NEGR1: variants seen among roughly 807,000 people sequenced by gnomAD.
The protein encoded by NEGR1 is neuronal growth regulator 1.
NEGR1 carries 10 observed loss-of-function variants against 40.9 expected under a neutral mutation model. The observed-to-expected ratio is 0.24, with a 90% CI of 0.15 to 0.42. The LOEUF is 0.42. Ranked by LOEUF, NEGR1 falls within the 10% of genes least tolerant of loss-of-function variation. NEGR1 has a pLI of 1.00. For synonymous variants in NEGR1, 185 were observed against 166.8 expected (o/e 1.11, Z -0.84); for missense variants, 352 against 438.9 (o/e 0.80, Z 1.77).
At chr1:71,571,781 C>G (rs1424185806) in intron 6 of NEGR1, among the ~76,000 whole-genome samples, 2 of 98,388 alleles carry the variant, frequency 2.0e-5, no homozygotes, top group African/African-American at 8.3e-5. Flanking sequence ...GAGGGAGCCC[C>G]TGTCTCAAAA....
At chr1:71,617,529 A>G (rs1263520701) in intron 4 of NEGR1, among the ~76,000 whole-genome samples, 1 of 152,168 alleles carries the variant, frequency 6.6e-6, no homozygotes, top group African/African-American at 2.4e-5. Context: ...GGAAAACTGA[A>G]TTGGTTATTT....
chr1:71,961,940 C>T (rs998735056), intron 1 of NEGR1, among the ~76,000 whole-genome samples: 128 of 151,922 alleles, frequency 8.4e-4, no homozygotes, highest in African/African-American at 2.9e-3. Context: ...ATAAATCTGA[C>T]GTTAGTTTTT....
At chr1:72,073,812 T>A (rs1394586454) in intron 1 of NEGR1, among the ~76,000 whole-genome samples, 1 of 150,588 alleles carries the variant, frequency 6.6e-6, no homozygotes, top group Non-Finnish European at 1.5e-5. Flanking sequence ...CAAAAAAAAA[T>A]AAAAAACAAG....
chr1:71,495,210 G>A (rs1439380636), intron 6 of NEGR1, among the ~76,000 whole-genome samples: 2 of 152,134 alleles, frequency 1.3e-5, no homozygotes, highest in Non-Finnish European at 2.9e-5. Flanking sequence ...CAGAAGTGGT[G>A]GCTCACGCCT....
In NEGR1 at chr1:71,405,083, T is replaced by G. The variant is rs139791066; in HGVS notation, c.*2363A>C. The G allele has an allele frequency of 3.9e-5, 6 of 152,172 alleles. No homozygotes were observed. The highest frequency in any genetic ancestry group is 1.4e-4 in the African/African-American group (6 of 41,538). The allele number at this position is 152,172 out of a possible 1,614,324, so 9.4% of individuals were successfully genotyped here. Reference sequence around the variant, plus strand: ...TAAAAATGTCACTCAAGAAAGTCTCTTCTAACATAAAGGCAAATACATATA... The same window carrying G: ...TAAAAATGTCACTCAAGAAAGTCTCGTCTAACATAAAGGCAAATACATATA... On this transcript the variant is annotated 3_prime_UTR_variant, in exon 7 of 7. Coordinates refer to ENST00000357731, the MANE Select transcript of NEGR1 (RefSeq NM_173808.3).
chr1:71,718,319 C>G (rs1212691102), intron 3 of NEGR1, among the ~76,000 whole-genome samples: 1 of 152,050 alleles, frequency 6.6e-6, no homozygotes, highest in Non-Finnish European at 1.5e-5. Context: ...TCTCCCTGCC[C>G]CCACCACTCT....
chr1:71,911,373 C>T lies in NEGR1; in HGVS notation c.409+23706G>A, dbSNP rs78507740. Among the ~76,000 whole-genome samples the T allele has an allele frequency of 2.4e-3, 365 of 152,250 alleles. 2 individuals carry two copies. Among genetic ancestry groups the T allele is most frequent in the African/African-American group, 8.5e-3 (352 of 41,538 alleles). On this transcript the variant is annotated intron_variant, in intron 2 of 6. Transcript: ENST00000357731. ...GATGACATCCACTTAAAACCTGGCT[C>T]TATTATTACTATCTTTTTGATCTGC...
chr1:71,563,325 C>G (rs930383116), intron 6 of NEGR1, among the ~76,000 whole-genome samples: 1 of 151,876 alleles, frequency 6.6e-6, no homozygotes, highest in Non-Finnish European at 1.5e-5. Context: ...GTGCATGAAC[C>G]CAAGATAGGG....
At chr1:71,432,834 T>C (rs1466424908) in intron 6 of NEGR1, among the ~76,000 whole-genome samples, 2 of 152,246 alleles carry the variant, frequency 1.3e-5, no homozygotes, top group Non-Finnish European at 2.9e-5. Context: ...AGCAGATATA[T>C]AAGCTCCTGG....
At chr1:72,060,218 CCT>C (rs1647153706) in intron 1 of NEGR1, among the ~76,000 whole-genome samples, 1 of 151,376 alleles carries the variant, frequency 6.6e-6, no homozygotes, top group African/African-American at 2.4e-5. Context: ...GATTTTTTTC[CCT>C]CACACACAGA....
At chr1:71,769,715 C>T (rs1358267579) in intron 3 of NEGR1, among the ~76,000 whole-genome samples, 1 of 152,192 alleles carries the variant, frequency 6.6e-6, no homozygotes, top group Non-Finnish European at 1.5e-5. Flanking sequence ...GTCCATTAAA[C>T]CTCTTTCCTT....
intron 3 of NEGR1, among the ~76,000 whole-genome samples, chr1:71,755,709 C>G (rs1207825041): frequency 6.6e-6 from 1 of 152,184 alleles, no homozygotes; most frequent in Non-Finnish European, 1.5e-5. Flanking sequence ...AAAGACAACT[C>G]TGCAAAAATG....
chr1:71,901,917 C>A (rs983307323), intron 2 of NEGR1, among the ~76,000 whole-genome samples: 1 of 152,066 alleles, frequency 6.6e-6, no homozygotes. Context: ...GATCTGCCCA[C>A]CTCGACCTCC....
chr1:71,941,682 A>T (rs1343192385), intron 1 of NEGR1, among the ~76,000 whole-genome samples: 4 of 152,118 alleles, frequency 2.6e-5, no homozygotes, highest in African/African-American at 9.7e-5. Context: ...TGTTCTGGTG[A>T]TATCTAAGTG....
intron 1 of NEGR1, among the ~76,000 whole-genome samples, chr1:72,149,698 C>T (rs1049782626): frequency 2.6e-5 from 4 of 151,524 alleles, no homozygotes; most frequent in Admixed American, 6.6e-5. Flanking sequence ...GACTGACCAA[C>T]GTGGAGAAAC....
chr1:71,908,691 C>A (rs1425568126), intron 2 of NEGR1, among the ~76,000 whole-genome samples: 1 of 152,162 alleles, frequency 6.6e-6, no homozygotes, highest in Non-Finnish European at 1.5e-5. Context: ...TACCTGTAAA[C>A]TTAGACCATT....
intron 2 of NEGR1, among the ~76,000 whole-genome samples, chr1:71,862,978 G>A (rs948057680): frequency 6.6e-6 from 1 of 152,138 alleles, no homozygotes; most frequent in East Asian, 1.9e-4. Context: ...AAAGAAAAAG[G>A]AATGCTTTTA....
At chr1:72,165,869 C>G (rs1186867537) in intron 1 of NEGR1, among the ~76,000 whole-genome samples, 1 of 151,980 alleles carries the variant, frequency 6.6e-6, no homozygotes, top group Non-Finnish European at 1.5e-5. Flanking sequence ...TTCTAAGTAT[C>G]TATCTTCTCC....
chr1:71,856,300 C>T (rs1659758413), intron 2 of NEGR1, among the ~76,000 whole-genome samples: 1 of 151,954 alleles, frequency 6.6e-6, no homozygotes, highest in South Asian at 2.1e-4. Context: ...AAGCAGCCTC[C>T]GTTTGAGGAG....
Sources: gnomAD v4.1 joint callset for allele counts (sites outside exome capture counted in the v4.1 genomes callset) on GRCh38, gnomAD v4.1.1 for gene constraint, MANE v1.5 for transcripts, NCBI Gene and HGNC (gene_info 2026-07-23, HGNC 2026-07-21) for gene names.